The following GSE1 variants were observed in gnomAD, a reference collection of about 807,000 sequenced individuals.
The protein encoded by GSE1 is genetic suppressor element 1.
GSE1 carries 32 observed loss-of-function variants against 112.6 expected under a neutral mutation model. The ratio of observed to expected loss-of-function variants is 0.28; its 90% CI spans 0.21 to 0.38. The LOEUF is 0.38. GSE1 is among the 10% of genes least tolerant of loss of function. The pLI is 1.00. For synonymous variants in GSE1, 1,115 were observed against 735.6 expected (o/e 1.52, Z -8.35); for missense variants, 2,348 against 1,699.2 (o/e 1.38, Z -6.71).
intron 1 of GSE1, among the ~76,000 whole-genome samples, chr16:85,598,167 G>GTTTTTTTTTTTT (rs973836177): frequency 5.6e-5 from 4 of 71,558 alleles, no homozygotes; most frequent in Admixed American, 1.6e-4. Flanking sequence ...AGGTTTGGTT[G>GTTTTTTTTTTTT]TTTTTTTTTT....
At chr16:85,375,182 C>T (rs1265454189) in intron 2 of GSE1, among the ~76,000 whole-genome samples, 3 of 152,232 alleles carry the variant, frequency 2.0e-5, no homozygotes, top group South Asian at 2.1e-4. Context: ...TGCGAGCTGC[C>T]GGCACCCTGC....
At chr16:85,526,785 C>T (rs975416266) in intron 2 of GSE1, among the ~76,000 whole-genome samples, 29 of 152,192 alleles carry the variant, frequency 1.9e-4, no homozygotes, top group Admixed American at 1.7e-3. Flanking sequence ...CTCTTACAGG[C>T]GACCAGAGCC....
At chr16:85,206,994 C>A (rs893221985) in intron 1 of GSE1, among the ~76,000 whole-genome samples, 1 of 152,202 alleles carries the variant, frequency 6.6e-6, no homozygotes, top group East Asian at 1.9e-4. Flanking sequence ...AGCGGTCCGG[C>A]GGGCTGGCCT....
intron 1 of GSE1, among the ~76,000 whole-genome samples, chr16:85,622,359 G>A (rs1016560653): frequency 4.6e-5 from 7 of 151,914 alleles, no homozygotes; most frequent in Admixed American, 6.5e-5. Context: ...CCATTAGAAC[G>A]TGGATGGTTC....
At chr16:85,548,003 G>A (rs1483251476) in intron 2 of GSE1, among the ~76,000 whole-genome samples, 3 of 151,680 alleles carry the variant, frequency 2.0e-5, no homozygotes, top group East Asian at 1.9e-4. Flanking sequence ...CGAGGCGGGC[G>A]GATCACGAGG....
At chr16:85,518,230 C>T (rs766252903) in intron 2 of GSE1, among the ~76,000 whole-genome samples, 4 of 152,174 alleles carry the variant, frequency 2.6e-5, no homozygotes, top group South Asian at 4.1e-4. Context: ...GTGTGCCCCC[C>T]GGGGTCAGTT....
chr16:85,494,614 A>G (rs1213700423), intron 2 of GSE1, among the ~76,000 whole-genome samples: 2 of 151,980 alleles, frequency 1.3e-5, no homozygotes. Flanking sequence ...ATGTTGCCCA[A>G]ACTGGTCTCA....
At chr16:85,329,724 G>A (rs1164915262) in intron 1 of GSE1, among the ~76,000 whole-genome samples, 1 of 152,002 alleles carries the variant, frequency 6.6e-6, no homozygotes, top group Non-Finnish European at 1.5e-5. Context: ...CTCCGCGCAG[G>A]GTAAACACCA....
At chr16:85,621,626 CTGGT>C (rs1206430432) in intron 1 of GSE1, among the ~76,000 whole-genome samples, 1 of 152,190 alleles carries the variant, frequency 6.6e-6, no homozygotes, top group Non-Finnish European at 1.5e-5. Flanking sequence ...CAGGTTGAGA[CTGGT>C]TGGGATCCTG....
At chr16:85,652,671 C>G (rs1027728872) in intron 3 of GSE1, among the ~76,000 whole-genome samples, 1 of 152,140 alleles carries the variant, frequency 6.6e-6, no homozygotes, top group Non-Finnish European at 1.5e-5. Flanking sequence ...GTGCTGCTGC[C>G]GGGTCACCGT....
chr16:85,313,988 ATGTG>A (rs375083956), intron 1 of GSE1, among the ~76,000 whole-genome samples: 2 of 135,860 alleles, frequency 1.5e-5, no homozygotes, highest in African/African-American at 3.3e-5. Context: ...TAGTGTGTGT[ATGTG>A]TGTGTGTGTG....
chr16:85,221,193 G>A (rs1230198984), intron 1 of GSE1, among the ~76,000 whole-genome samples: 2 of 152,034 alleles, frequency 1.3e-5, no homozygotes, highest in Admixed American at 1.3e-4. Context: ...GGCATCTGCA[G>A]CTGTCCCTCC....
chr16:85,400,616 C>A (rs12934192), intron 2 of GSE1, among the ~76,000 whole-genome samples: 1 of 150,290 alleles, frequency 6.7e-6, no homozygotes, highest in Non-Finnish European at 1.5e-5. Context: ...CTATGTGTTG[C>A]ATGTCTCTGT....
intron 2 of GSE1, among the ~76,000 whole-genome samples, chr16:85,642,864 C>A (rs948265634): frequency 1.3e-5 from 2 of 152,164 alleles, no homozygotes; most frequent in Non-Finnish European, 2.9e-5. Context: ...TCCATGCTCG[C>A]TGCTGGCCTG....
intron 2 of GSE1, among the ~76,000 whole-genome samples, chr16:85,383,208 C>T (rs1348032941): frequency 6.6e-6 from 1 of 151,884 alleles, no homozygotes; most frequent in African/African-American, 2.4e-5. Flanking sequence ...CCACACACAG[C>T]CCTCTGTACA....
chr16:85,467,448 C>T (rs961290079), intron 2 of GSE1, among the ~76,000 whole-genome samples: 4 of 152,330 alleles, frequency 2.6e-5, no homozygotes, highest in Middle Eastern at 3.4e-3. Context: ...GCTAGCAGCT[C>T]TCGCCTGGGA....
chr16:85,454,988 T>A (rs535152085), intron 2 of GSE1, among the ~76,000 whole-genome samples: 23 of 152,312 alleles, frequency 1.5e-4, no homozygotes, highest in Non-Finnish European at 2.5e-4. Context: ...TAACTCAACC[T>A]CCTGGGTGCC....
At chr16:85,553,153 A>C (rs956282856), upstream of GSE1, among the ~76,000 whole-genome samples, 9 of 143,868 alleles carry the variant, frequency 6.3e-5, 1 homozygote, top group Admixed American at 1.4e-4. Flanking sequence ...CCCGCCCCCC[A>C]GGGGCACAGA....
rs567987771 is a variant in GSE1 at position 85,381,898 on chromosome 16, T to G, written c.2464+24255T>G. On this transcript the variant is annotated intron_variant, in intron 2 of 2. Transcript: ENST00000637419. ...CAGGGTCCCCTGCCTGACACCCGCCTGGGGGCATCTCACCGGGCTGGGGCC... is the reference window on the plus strand; with the variant it reads ...CAGGGTCCCCTGCCTGACACCCGCCGGGGGGCATCTCACCGGGCTGGGGCC... Among the ~76,000 whole-genome samples, 1,212 of 152,174 alleles carry G rather than the reference T, an allele frequency of 8.0e-3. 11 individuals carry two copies. The highest frequency in any genetic ancestry group is 0.028 in the African/African-American group (1,169 of 41,514).
Sources: gnomAD v4.1 joint callset for allele counts (sites outside exome capture counted in the v4.1 genomes callset) on GRCh38, gnomAD v4.1.1 for gene constraint, MANE v1.5 for transcripts, NCBI Gene and HGNC (gene_info 2026-07-23, HGNC 2026-07-21) for gene names.